The following UGGT2 variants were observed in gnomAD, a reference collection of about 807,000 sequenced individuals.
UGGT2 encodes the protein UDP-glucose glycoprotein glucosyltransferase 2.
Under a neutral mutation model 192.1 loss-of-function variants are expected in UGGT2, and 180 were observed. The observed-to-expected ratio is 0.94, with a 90% CI of 0.83 to 1.06. The LOEUF is 1.06. Ranked by LOEUF, UGGT2 falls within the 50% of genes least tolerant of loss-of-function variation. UGGT2 has a pLI of 0.00. For missense variants in UGGT2, 1,849 were observed against 1,795.7 expected, an observed-to-expected ratio of 1.03 and a Z score of -0.54; for synonymous variants, 580 against 591.0, an observed-to-expected ratio of 0.98 and a Z score of 0.27.
intron 20 of UGGT2, among the ~76,000 whole-genome samples, chr13:95,919,831 C>T (rs1349655070): frequency 6.6e-6 from 1 of 152,142 alleles, no homozygotes; most frequent in Non-Finnish European, 1.5e-5. Context: ...CATTGACATT[C>T]TTCACATATT....
At chr13:95,936,858 TAA>T (rs1193957663) in intron 17 of UGGT2, 64 bp downstream of exon 17, 21 of 1,315,480 alleles carry the variant, frequency 1.6e-5, no homozygotes, top group East Asian at 2.7e-5. Context: ...GTCATTAAAA[TAA>T]GTTTTTAATA....
chr13:95,963,561 A>T (rs1393342504), intron 12 of UGGT2, among the ~76,000 whole-genome samples: 3 of 152,194 alleles, frequency 2.0e-5, no homozygotes. Context: ...AGGCAAGAAA[A>T]ACAAATGCAT....
chr13:95,995,974 G>T, intron 7 of UGGT2, 89 bp downstream of exon 7: 1 of 1,105,864 alleles, frequency 9.0e-7, no homozygotes. Flanking sequence ...TAAAAGAAAG[G>T]TGAAGCATAT....
intron 12 of UGGT2, among the ~76,000 whole-genome samples, chr13:95,966,814 A>G (rs927969418): frequency 2.6e-5 from 4 of 152,212 alleles, no homozygotes; most frequent in Non-Finnish European, 5.9e-5. Flanking sequence ...ATTAAACCAC[A>G]TCACCCATTA....
intron 20 of UGGT2, among the ~76,000 whole-genome samples, chr13:95,921,349 GA>G (rs35149342): frequency 3.5e-3 from 466 of 134,808 alleles, no homozygotes; most frequent in African/African-American, 6.6e-3. Flanking sequence ...TCTTAAAGTT[GA>G]AAAAAAAAAA....
Position 95,859,650 on chromosome 13 carries a change from T to TA in UGGT2, c.3765dup (p.Asn1256Ter). The TA allele has an allele frequency of 1.2e-6, 2 of 1,609,890 alleles. No homozygotes were observed. Among genetic ancestry groups the TA allele is most frequent in the African/African-American group, 2.7e-5 (2 of 74,900 alleles). ...CAGAATTTCACTGGTGTTTTGGTGT[T>TA]ACGCAAAACAGAAAGCATCATAATT... On this transcript the variant is annotated frameshift_variant, in exon 33 of 39. Transcript: ENST00000376747. LOFTEE classifies it high-confidence loss of function.
At chr13:95,893,382 T>G (rs1380501873) in intron 24 of UGGT2, among the ~76,000 whole-genome samples, 1 of 152,174 alleles carries the variant, frequency 6.6e-6, no homozygotes, top group African/African-American at 2.4e-5. Flanking sequence ...TAAAAAGCTG[T>G]GAATAAATAT....
At chr13:95,827,055 A>G (rs1886121060) in intron 38 of UGGT2, among the ~76,000 whole-genome samples, 2 of 152,172 alleles carry the variant, frequency 1.3e-5, no homozygotes, top group Non-Finnish European at 2.9e-5. Context: ...GGAATTTAAT[A>G]TATGATAAAG....
intron 7 of UGGT2, chr13:95,991,186 G>A (rs575225741): frequency 3.7e-5 from 8 of 213,730 alleles, no homozygotes; most frequent in East Asian, 1.1e-4. Context: ...ATCAACATAC[G>A]TGTGCATGTG....
intron 4 of UGGT2, among the ~76,000 whole-genome samples, chr13:96,019,907 C>G (rs2052464132): frequency 6.6e-6 from 1 of 152,180 alleles, no homozygotes; most frequent in Non-Finnish European, 1.5e-5. Flanking sequence ...GCCCGAAGAG[C>G]CCACCAGCTG....
intron 20 of UGGT2, 128 bp downstream of exon 20, chr13:95,925,552 C>G: frequency 3.1e-6 from 2 of 642,250 alleles, no homozygotes; most frequent in Non-Finnish European, 4.8e-6. Context: ...AAGACTAAAT[C>G]TGAATTCCTT....
chr13:95,997,064 T>C (rs2051646199), intron 6 of UGGT2, among the ~76,000 whole-genome samples: 3 of 152,168 alleles, frequency 2.0e-5, no homozygotes, highest in Admixed American at 2.0e-4. Context: ...TTTCTTACTT[T>C]TCTGAGACTC....
intron 12 of UGGT2, among the ~76,000 whole-genome samples, chr13:95,965,862 G>A (rs1311707559): frequency 6.6e-6 from 1 of 152,070 alleles, no homozygotes; most frequent in African/African-American, 2.4e-5. Context: ...ACCCCAGTTA[G>A]AATGGCTATC....
chr13:95,846,785 G>T (rs1261254240), intron 36 of UGGT2, among the ~76,000 whole-genome samples: 1 of 152,110 alleles, frequency 6.6e-6, no homozygotes, highest in African/African-American at 2.4e-5. Flanking sequence ...ACTTTTGGTG[G>T]TTTGTGTCTT....
intron 36 of UGGT2, among the ~76,000 whole-genome samples, chr13:95,837,730 G>A (rs1431212901): frequency 2.0e-5 from 3 of 152,212 alleles, no homozygotes; most frequent in Non-Finnish European, 4.4e-5. Flanking sequence ...GACCTTTGGA[G>A]AGAATCAGAC....
At chr13:96,027,604 T>C (rs1458434244) in intron 2 of UGGT2, among the ~76,000 whole-genome samples, 5 of 152,202 alleles carry the variant, frequency 3.3e-5, no homozygotes, top group Non-Finnish European at 4.4e-5. Flanking sequence ...CTGACTCATC[T>C]TATTCCCTTC....
rs12876018 is a variant in UGGT2 at position 95,887,950 on chromosome 13, T to G, written c.2980A>C (p.Met994Leu). 0.39 allele frequency: 627,099 copies of G among 1,596,490 alleles called. 125,764 individuals are homozygous for G. Among genetic ancestry groups the G allele is most frequent in the Middle Eastern group, 0.44 (2,516 of 5,728 alleles). Reference protein sequence around the residue: ...LLVVLGKIINMKIKLFMNCRG... With the variant: ...LLVVLGKIINLKIKLFMNCRG... ...CAGTTCATGAACAACTTTATCTTCA[T>G]GTTGATAATCTTGCCAAGTACCTAT... The change falls in exon 26 of 39, where the codon ATG becomes CTG. Residue 994 changes from methionine to leucine, a missense_variant. Transcript: ENST00000376747.
At chr13:95,986,530 G>T (rs1661766111) in intron 8 of UGGT2, 98 bp from the exon 9 acceptor site, 2 of 835,984 alleles carry the variant, frequency 2.4e-6, no homozygotes, top group Non-Finnish European at 3.7e-6. Flanking sequence ...TTCTTGCCAA[G>T]TATTAGTATA....
intron 12 of UGGT2, among the ~76,000 whole-genome samples, chr13:95,967,468 A>C (rs1357483571): frequency 1.9e-5 from 2 of 105,288 alleles, no homozygotes; most frequent in East Asian, 5.9e-4. Flanking sequence ...CGCACCCCCA[A>C]CTTTTTTGTT....
Sources: gnomAD v4.1 joint callset for allele counts (sites outside exome capture counted in the v4.1 genomes callset) on GRCh38, gnomAD v4.1.1 for gene constraint, MANE v1.5 for transcripts, NCBI Gene and HGNC (gene_info 2026-07-23, HGNC 2026-07-21) for gene names.